KIAA0825: variants seen among roughly 807,000 people sequenced by gnomAD.
The protein encoded by KIAA0825 is KIAA0825.
In KIAA0825, 119 loss-of-function variants were observed where a neutral mutation model predicts 147.6. The ratio of observed to expected loss-of-function variants is 0.81; its 90% CI spans 0.69 to 0.94. KIAA0825 has a LOEUF of 0.94. Among genes scored for constraint, KIAA0825 ranks in the 40% least tolerant of loss-of-function variants. KIAA0825 has a pLI of 0.00. For missense variants in KIAA0825, 1,381 were observed against 1,472.7 expected, an observed-to-expected ratio of 0.94 and a Z score of 1.02; for synonymous variants, 470 against 518.1, an observed-to-expected ratio of 0.91 and a Z score of 1.26.
At chr5:94,216,606 C>T (rs1248027719) in intron 20 of KIAA0825, among the ~76,000 whole-genome samples, 1 of 152,156 alleles carries the variant, frequency 6.6e-6, no homozygotes, top group African/African-American at 2.4e-5. Context: ...CTATCCTGAA[C>T]AGGTTAACAT....
At chr5:94,397,102 T>G (rs560336760) in intron 16 of KIAA0825, among the ~76,000 whole-genome samples, 23 of 152,268 alleles carry the variant, frequency 1.5e-4, no homozygotes, top group African/African-American at 5.1e-4. Flanking sequence ...CTCCCCATCA[T>G]CTAATAATTA....
At chr5:94,410,838 G>T (rs962231852) in intron 15 of KIAA0825, among the ~76,000 whole-genome samples, 1 of 152,032 alleles carries the variant, frequency 6.6e-6, no homozygotes, top group South Asian at 2.1e-4. Flanking sequence ...CCAGAGATTT[G>T]TAATACAAGA....
intron 20 of KIAA0825, among the ~76,000 whole-genome samples, chr5:94,325,298 G>A (rs1038063245): frequency 4.6e-5 from 7 of 151,868 alleles, no homozygotes; most frequent in Non-Finnish European, 1.0e-4. Context: ...AAAAACAGCA[G>A]GAGTATGCCC....
intron 20 of KIAA0825, among the ~76,000 whole-genome samples, chr5:94,293,709 G>A (rs1778007193): frequency 6.6e-6 from 1 of 152,046 alleles, no homozygotes; most frequent in Non-Finnish European, 1.5e-5. Context: ...TTGACAGTGG[G>A]GTGTTAAAGT....
intron 15 of KIAA0825, among the ~76,000 whole-genome samples, chr5:94,411,108 G>C (rs2150676187): frequency 6.6e-6 from 1 of 152,234 alleles, no homozygotes; most frequent in East Asian, 1.9e-4. Context: ...AGCATCATAA[G>C]GTTCTTATAT....
chr5:94,484,302 G>A lies in KIAA0825; in HGVS notation c.1132+467C>T, dbSNP rs1044798301. Among the ~76,000 whole-genome samples the A allele has an allele frequency of 2.6e-5, 4 of 151,132 alleles. No homozygotes were observed. The South Asian group carries it at 6.2e-4, about 24-fold the overall frequency. On this transcript the variant is annotated intron_variant, in intron 6 of 20. Coordinates refer to ENST00000682413, the MANE Select transcript of KIAA0825 (RefSeq NM_001145678.3). ...ACCCTATATAACATTATAACATATCGAAATCTGAAGCATCTAATCCTGAAA... is the reference window on the plus strand; with the variant it reads ...ACCCTATATAACATTATAACATATCAAAATCTGAAGCATCTAATCCTGAAA...
intron 17 of KIAA0825, among the ~76,000 whole-genome samples, chr5:94,395,466 G>T (rs1213033841): frequency 2.0e-5 from 3 of 152,076 alleles, no homozygotes; most frequent in African/African-American, 7.2e-5. Context: ...AAAGACAGGA[G>T]GACTCTATGT....
Position 94,154,009 on chromosome 5 carries a change from AC to A in KIAA0825, c.3825del (p.Gln1275HisfsTer12), listed in dbSNP as rs1766799772. On this transcript the variant is annotated frameshift_variant, in exon 21 of 21. Coordinates refer to ENST00000682413, the MANE Select transcript of KIAA0825 (RefSeq NM_001145678.3). LOFTEE classifies it high-confidence loss of function. ...AAGCTGTTGCTGTTTTCTGCAGATT[AC>A]TGTTCCTCTATGTTATCTGAGGCAG... ...NSSASDNIEEQ is the reference protein window; with the variant it reads ...NSSASDNIEEX 2 of 1,544,450 alleles carry A rather than the reference AC, an allele frequency of 1.3e-6. No homozygotes were observed. The highest frequency in any genetic ancestry group is 1.8e-6 in the Non-Finnish European group (2 of 1,140,352).
Position 94,431,556 on chromosome 5 carries a change from TCACCCAG to T in KIAA0825, c.2497+8419_2497+8425del, listed in dbSNP as rs1471968931. Among the ~76,000 whole-genome samples, 11 of 152,182 alleles carry T rather than the reference TCACCCAG, an allele frequency of 7.2e-5. 1 individual carries two copies. The highest frequency in any genetic ancestry group is 2.7e-4 in the African/African-American group (11 of 41,440). On this transcript the variant is annotated intron_variant, in intron 14 of 20. Coordinates refer to ENST00000682413, the MANE Select transcript of KIAA0825 (RefSeq NM_001145678.3). ...TGACAAAAAGAAGTACAGTGGGACC[TCACCCAG>T]CCAGGATGATCAGGGATGACTTCCT...
intron 20 of KIAA0825, among the ~76,000 whole-genome samples, chr5:94,382,904 A>G (rs1748608212): frequency 6.6e-6 from 1 of 152,256 alleles, no homozygotes; most frequent in South Asian, 2.1e-4. Flanking sequence ...CATGACTGAA[A>G]ATAAACTTAG....
intron 20 of KIAA0825, among the ~76,000 whole-genome samples, chr5:94,243,754 C>T (rs1311519916): frequency 3.3e-5 from 5 of 152,144 alleles, no homozygotes; most frequent in Non-Finnish European, 7.4e-5. Context: ...CATCTAGGAA[C>T]ATCCTCCCTG....
intron 20 of KIAA0825, among the ~76,000 whole-genome samples, chr5:94,356,360 C>T (rs1189026185): frequency 6.6e-6 from 1 of 151,966 alleles, no homozygotes; most frequent in African/African-American, 2.4e-5. Context: ...GTAATCCCAG[C>T]ACTTTGGGAG....
chr5:94,269,126 G>A (rs577898834), intron 20 of KIAA0825, among the ~76,000 whole-genome samples: 2 of 152,074 alleles, frequency 1.3e-5, no homozygotes, highest in South Asian at 4.2e-4. Context: ...TCCCCTAAAG[G>A]TGCCATCGTT....
chr5:94,583,021 T>C (rs530553622), intron 1 of KIAA0825, among the ~76,000 whole-genome samples: 7 of 152,206 alleles, frequency 4.6e-5, no homozygotes, highest in Non-Finnish European at 1.0e-4. Context: ...TTCTGGGTGA[T>C]CCTGTTAAAA....
At chr5:94,235,693 C>T (rs1775003550) in intron 20 of KIAA0825, among the ~76,000 whole-genome samples, 1 of 152,180 alleles carries the variant, frequency 6.6e-6, no homozygotes, top group African/African-American at 2.4e-5. Flanking sequence ...CAATGTCTTG[C>T]TCCAAAGCTT....
chr5:94,477,077 T>A lies in KIAA0825; in HGVS notation c.1227+34A>T, dbSNP rs1353111620. ...CACAGGCATATGATGATATTATATG[T>A]GAATTATAAAACACTTCTTTTTCCT... is the stretch of plus-strand genomic sequence containing the variant. On this transcript the variant is annotated intron_variant, in intron 7 of 20. Coordinates refer to ENST00000682413, the MANE Select transcript of KIAA0825 (RefSeq NM_001145678.3). The A allele has an allele frequency of 2.9e-6, 4 of 1,403,492 alleles. No homozygotes were observed. In the Admixed American group the frequency reaches 7.9e-5, roughly 28 times the overall value. 86.9% of individuals were successfully genotyped at this position (1,403,492 alleles called of 1,614,324 possible).
At chr5:94,226,122 A>G (rs964195238) in intron 20 of KIAA0825, among the ~76,000 whole-genome samples, 8 of 152,244 alleles carry the variant, frequency 5.3e-5, no homozygotes, top group Non-Finnish European at 1.2e-4. Flanking sequence ...CATCTGACAA[A>G]GGGCTAATAT....
At chr5:94,486,655 G>T (rs1187221394) in intron 5 of KIAA0825, among the ~76,000 whole-genome samples, 1 of 152,140 alleles carries the variant, frequency 6.6e-6, no homozygotes, top group Non-Finnish European at 1.5e-5. Flanking sequence ...CTATGGGCAT[G>T]TTAGAGAACA....
At chr5:94,440,196 G>A (rs1210379444) in intron 13 of KIAA0825, 75 bp from the exon 14 acceptor site, 2 of 1,375,422 alleles carry the variant, frequency 1.5e-6, no homozygotes, top group Non-Finnish European at 2.0e-6. Context: ...AAGTACAGAT[G>A]TAATGCTAAC....
Sources: gnomAD v4.1 joint callset for allele counts (sites outside exome capture counted in the v4.1 genomes callset) on GRCh38, gnomAD v4.1.1 for gene constraint, MANE v1.5 for transcripts, NCBI Gene and HGNC (gene_info 2026-07-23, HGNC 2026-07-21) for gene names.